PDZRN4: variants seen among roughly 807,000 people sequenced by gnomAD.
The protein encoded by PDZRN4 is PDZ domain containing ring finger 4.
A neutral mutation model predicts 99.0 loss-of-function variants in PDZRN4; 70 were observed. That is an observed-to-expected ratio of 0.71 (90% confidence interval 0.58 to 0.86). The LOEUF (loss-of-function observed/expected upper bound fraction) is 0.86, where lower values mean the gene tolerates loss of function less well. Ranked by LOEUF, PDZRN4 falls within the 40% of genes least tolerant of loss-of-function variation. PDZRN4 has a pLI of 0.00. For synonymous variants in PDZRN4, 551 were observed against 501.6 expected (o/e 1.10, Z -1.32); for missense variants, 1,474 against 1,331.2 (o/e 1.11, Z -1.67).
intron 6 of PDZRN4, among the ~76,000 whole-genome samples, chr12:41,553,627 G>A (rs1294660710): frequency 1.3e-5 from 2 of 152,084 alleles, no homozygotes; most frequent in East Asian, 1.9e-4. Flanking sequence ...ACAGTAATTC[G>A]ATGTTACGGT....
chr12:41,270,309 GTGGTGT>G (rs1403358630), intron 3 of PDZRN4, among the ~76,000 whole-genome samples: 3 of 145,582 alleles, frequency 2.1e-5, no homozygotes, highest in Non-Finnish European at 4.5e-5. Context: ...GTCTGTGTGT[GTGGTGT>G]GTGTGTGTGT....
Position 41,234,785 on chromosome 12 carries a change from C to T in PDZRN4, c.843+40597C>T, listed in dbSNP as rs190389581. ...CTGTATTTTCTAGCTCATTGAATCTCCTGAAATTGGAGATGGTTACTTAAC... is the reference window on the plus strand; with the variant it reads ...CTGTATTTTCTAGCTCATTGAATCTTCTGAAATTGGAGATGGTTACTTAAC... On this transcript the variant is annotated intron_variant, in intron 3 of 9. Transcript: ENST00000402685. Among the ~76,000 whole-genome samples the T allele has an allele frequency of 1.9e-3, 283 of 152,170 alleles. 1 individual carries two copies. Among genetic ancestry groups the T allele is most frequent in the African/African-American group, 6.5e-3 (268 of 41,514 alleles).
At chr12:41,292,958 T>G (rs538079221) in intron 3 of PDZRN4, among the ~76,000 whole-genome samples, 29 of 151,646 alleles carry the variant, frequency 1.9e-4, no homozygotes, top group Non-Finnish European at 3.2e-4. Context: ...TTTTCTGAGA[T>G]ACGGCTAGGA....
intron 3 of PDZRN4, among the ~76,000 whole-genome samples, chr12:41,385,786 G>C (rs1353576170): frequency 1.3e-5 from 2 of 152,044 alleles, no homozygotes. Flanking sequence ...AAAAGTTGAG[G>C]AGGAAGGACT....
intron 5 of PDZRN4, among the ~76,000 whole-genome samples, chr12:41,513,650 C>T (rs974019695): frequency 6.6e-6 from 1 of 151,950 alleles, no homozygotes; most frequent in Non-Finnish European, 1.5e-5. Context: ...CCCCCTAGAG[C>T]CAGCTAAAGG....
chr12:41,478,194 C>T (rs188599977), intron 3 of PDZRN4, among the ~76,000 whole-genome samples: 2 of 152,258 alleles, frequency 1.3e-5, no homozygotes, highest in Admixed American at 1.3e-4. Flanking sequence ...CGGCTCACTG[C>T]AACCTCCGCC....
At chr12:41,228,675 G>T (rs1951011420) in intron 3 of PDZRN4, among the ~76,000 whole-genome samples, 2 of 152,194 alleles carry the variant, frequency 1.3e-5, no homozygotes, top group East Asian at 1.9e-4. Context: ...TCAGACAATT[G>T]TAATATCATT....
intron 3 of PDZRN4, among the ~76,000 whole-genome samples, chr12:41,406,623 G>A (rs1311319592): frequency 1.3e-5 from 2 of 152,068 alleles, no homozygotes; most frequent in Admixed American, 1.3e-4. Context: ...GCCCGGCACG[G>A]TGGCTCACGC....
chr12:41,242,068 A>G (rs1483594841), intron 3 of PDZRN4, among the ~76,000 whole-genome samples: 1 of 152,010 alleles, frequency 6.6e-6, no homozygotes, highest in East Asian at 1.9e-4. Context: ...GGCAGCAAGC[A>G]AGTGGGTCTA....
intron 3 of PDZRN4, among the ~76,000 whole-genome samples, chr12:41,340,215 T>C (rs1340671043): frequency 2.6e-5 from 4 of 152,042 alleles, no homozygotes; most frequent in African/African-American, 9.7e-5. Context: ...GAAAATGCAG[T>C]ACATGTATAG....
At position 41,563,714 on chromosome 12, in the gene PDZRN4, T is replaced by A. The variant is rs1044314947; in HGVS notation, c.1467+65T>A. The stretch of plus-strand genomic sequence containing the variant: ...ATTCATTGAATTCACTGAATGTAAA[T>A]TCGTGAATGAATTATATTCATTATC... On this transcript the variant is annotated intron_variant, in intron 8 of 9. Transcript: ENST00000402685. 1.2e-5 allele frequency: 13 copies of A among 1,046,544 alleles called. No individual in the cohort carries two copies. In the African/African-American group the frequency reaches 1.9e-4, roughly 15 times the overall value. The allele number at this position is 1,046,544 out of a possible 1,614,324, so 64.8% of individuals were successfully genotyped here.
intron 1 of PDZRN4, 112 bp from the exon 2 acceptor site, chr12:41,191,346 G>A: frequency 1.6e-6 from 1 of 628,706 alleles, no homozygotes; most frequent in Non-Finnish European, 2.8e-6. Context: ...TAATTTTAAA[G>A]TTTTCCTCTT....
At chr12:41,290,479 A>C (rs563821160) in intron 3 of PDZRN4, among the ~76,000 whole-genome samples, 11 of 152,302 alleles carry the variant, frequency 7.2e-5, no homozygotes, top group Middle Eastern at 3.4e-3. Flanking sequence ...AAAGAAACAG[A>C]AAATTCCTTC....
chr12:41,287,608 C>T (rs144902264), intron 3 of PDZRN4, among the ~76,000 whole-genome samples: 52 of 152,350 alleles, frequency 3.4e-4, no homozygotes, highest in African/African-American at 1.2e-3. Flanking sequence ...CTCTTGCCTT[C>T]TTTTAGGACC....
chr12:41,438,077 A>G (rs1952646316), intron 3 of PDZRN4: 3 of 1,553,270 alleles, frequency 1.9e-6, no homozygotes, highest in Admixed American at 1.7e-5. Context: ...AAAGACGGTA[A>G]ATGAATTCTG....
intron 6 of PDZRN4, among the ~76,000 whole-genome samples, chr12:41,553,838 G>A (rs17129467): frequency 0.032 from 4,852 of 150,478 alleles, 140 homozygotes; most frequent in African/African-American, 0.077. Flanking sequence ...GCTGCTCTAT[G>A]CTGTTCTGAG....
chr12:41,572,114 CTG>C (rs908650845), intron 9 of PDZRN4, among the ~76,000 whole-genome samples: 2 of 152,170 alleles, frequency 1.3e-5, no homozygotes, highest in African/African-American at 2.4e-5. Flanking sequence ...TGAATGCATT[CTG>C]TCTTATTTAT....
At chr12:41,421,305 T>G (rs926603568) in intron 3 of PDZRN4, among the ~76,000 whole-genome samples, 1 of 152,112 alleles carries the variant, frequency 6.6e-6, no homozygotes. Context: ...TTCAAGTGAT[T>G]CTCCTGCCTC....
chr12:41,545,178 A>C (rs1938924430), intron 5 of PDZRN4, among the ~76,000 whole-genome samples: 1 of 152,306 alleles, frequency 6.6e-6, no homozygotes, highest in East Asian at 1.9e-4. Flanking sequence ...AAATTATTTA[A>C]TAGGGTGTAG....
Sources: gnomAD v4.1 joint callset for allele counts (sites outside exome capture counted in the v4.1 genomes callset) on GRCh38, gnomAD v4.1.1 for gene constraint, MANE v1.5 for transcripts, NCBI Gene and HGNC (gene_info 2026-07-23, HGNC 2026-07-21) for gene names.